Variants in SETBP1 observed in about 807,000 individuals in gnomAD.
SETBP1 encodes the protein SET-binding protein.
SETBP1 carries 9 observed loss-of-function variants against 101.0 expected under a neutral mutation model. The ratio of observed to expected loss-of-function variants is 0.09; its 90% CI spans 0.05 to 0.16. SETBP1 has a LOEUF of 0.16. Ranked by LOEUF, SETBP1 falls within the 10% of genes least tolerant of loss-of-function variation. The pLI is 1.00. For missense variants in SETBP1, 1,858 were observed against 2,033.8 expected, an observed-to-expected ratio of 0.91 and a Z score of 1.66; for synonymous variants, 818 against 788.5, an observed-to-expected ratio of 1.04 and a Z score of -0.63.
chr18:44,686,966 C>T (rs1189424236), intron 1 of SETBP1, among the ~76,000 whole-genome samples: 1 of 152,200 alleles, frequency 6.6e-6, no homozygotes, highest in Non-Finnish European at 1.5e-5. Flanking sequence ...TAGCCCTTGA[C>T]TTTCTCTGAA....
intron 4 of SETBP1, 26 bp downstream of exon 4, chr18:44,953,366 G>T (rs749825154): frequency 1.3e-6 from 2 of 1,590,108 alleles, no homozygotes; most frequent in Admixed American, 3.4e-5. Flanking sequence ...TTCAGAAATG[G>T]ATTATCAAGT....
intron 3 of SETBP1, among the ~76,000 whole-genome samples, chr18:44,940,235 CCTTTTA>C (rs1568228129): frequency 6.6e-6 from 1 of 152,106 alleles, no homozygotes; most frequent in Non-Finnish European, 1.5e-5. Context: ...CTTGTTCCCT[CCTTTTA>C]CTTTTAAGCT....
At chr18:44,686,595 C>G (rs1385406387) in intron 1 of SETBP1, among the ~76,000 whole-genome samples, 1 of 152,170 alleles carries the variant, frequency 6.6e-6, no homozygotes. Context: ...TCCCACACAG[C>G]CCTGAACCTT....
chr18:44,953,193 A>G lies in SETBP1; in HGVS notation c.3853A>G (p.Asn1285Asp), dbSNP rs1431517961. 3 of 1,614,004 alleles carry G rather than the reference A, an allele frequency of 1.9e-6. No homozygotes were observed. Among genetic ancestry groups the G allele is most frequent in the Non-Finnish European group, 2.5e-6 (3 of 1,180,042 alleles). ...GAACCTGGACGTGTTCAGTGAAATG[A>G]ACCCTTCGAATGACAAGTGGGACAG... ...SENLDVFSEM[N>D]PSNDKWDSDV... is the part of the protein sequence containing the mutation. The change falls in exon 4 of 6, where the codon AAC (asparagine) becomes GAC (aspartate). Residue 1285 changes from asparagine to aspartate, a missense_variant. This residue lies in a region of SETBP1 where 417 missense variants were observed against 389.1 expected (regional missense o/e 1.07). Coordinates refer to ENST00000649279, the MANE Select transcript of SETBP1 (RefSeq NM_015559.3).
intron 2 of SETBP1, among the ~76,000 whole-genome samples, chr18:44,741,434 C>T (rs975471942): frequency 4.6e-5 from 7 of 152,184 alleles, no homozygotes; most frequent in Non-Finnish European, 8.8e-5. Flanking sequence ...CCTAAGAGAT[C>T]ACCTTTCATT....
chr18:44,895,938 GTA>G (rs1004882937), intron 3 of SETBP1, among the ~76,000 whole-genome samples: 14 of 152,098 alleles, frequency 9.2e-5, no homozygotes, highest in African/African-American at 3.4e-4. Context: ...AAATGGCAAA[GTA>G]AAAATCATTT....
At chr18:44,854,607 C>T (rs1248548315) in intron 2 of SETBP1, among the ~76,000 whole-genome samples, 5 of 152,188 alleles carry the variant, frequency 3.3e-5, no homozygotes, top group Admixed American at 3.3e-4. Flanking sequence ...CCAACGTCAA[C>T]AAAAATCATT....
In SETBP1 at chr18:44,957,253, T is replaced by C. The variant is rs533506433; in HGVS notation, c.4000+3913T>C. Among the ~76,000 whole-genome samples, 47 of 152,138 alleles carry C rather than the reference T, an allele frequency of 3.1e-4. 1 individual carries two copies. The South Asian group carries it at 9.8e-3, about 32-fold the overall frequency. ...CCCTCAAAGCCAAGTTTTCACAAGG[T>C]GGTGGAAGAGTGATGAGTGACATTT... On this transcript the variant is annotated intron_variant, in intron 4 of 5. Transcript: ENST00000649279.
intron 2 of SETBP1, among the ~76,000 whole-genome samples, chr18:44,779,432 G>T (rs187490346): frequency 6.6e-6 from 1 of 152,316 alleles, no homozygotes; most frequent in Non-Finnish European, 1.5e-5. Context: ...ATGTCATGCA[G>T]TACAGATGTC....
At chr18:44,687,253 T>C (rs1278947930) in intron 1 of SETBP1, among the ~76,000 whole-genome samples, 1 of 152,016 alleles carries the variant, frequency 6.6e-6, no homozygotes, top group Non-Finnish European at 1.5e-5. Context: ...AAGTTTGGAG[T>C]GGTATAGAGT....
At chr18:44,769,718 A>C (rs953353837) in intron 2 of SETBP1, among the ~76,000 whole-genome samples, 1 of 152,234 alleles carries the variant, frequency 6.6e-6, no homozygotes, top group South Asian at 2.1e-4. Context: ...AGTCACATGC[A>C]CAACCACTAT....
intron 2 of SETBP1, among the ~76,000 whole-genome samples, chr18:44,819,915 C>T (rs1184029099): frequency 1.3e-5 from 2 of 152,134 alleles, no homozygotes; most frequent in African/African-American, 4.8e-5. Context: ...AAAGTAAGGA[C>T]TCAACAACCA....
intron 4 of SETBP1, among the ~76,000 whole-genome samples, chr18:44,995,956 G>A (rs562280118): frequency 2.3e-4 from 35 of 152,250 alleles, no homozygotes; most frequent in African/African-American, 7.9e-4. Context: ...CCACATATAG[G>A]CCATAACACT....
rs184858248 is a variant in SETBP1, at chr18:44,694,588, C to G, written c.-172-6587C>G. ...GATACACACAGTGGGCTCTTATGAACCCATAGGCACTAGCTTCATTGCATC... is the reference window on the plus strand; with the variant it reads ...GATACACACAGTGGGCTCTTATGAAGCCATAGGCACTAGCTTCATTGCATC... On this transcript the variant is annotated intron_variant, in intron 1 of 5. Transcript: ENST00000649279. Among the ~76,000 whole-genome samples, 399 of 152,292 alleles carry G rather than the reference C, an allele frequency of 2.6e-3. 1 individual carries two copies. The highest frequency in any genetic ancestry group is 1.9e-3 in the South Asian group (9 of 4,830).
At chr18:44,805,377 G>T (rs2071706473) in intron 2 of SETBP1, among the ~76,000 whole-genome samples, 2 of 151,544 alleles carry the variant, frequency 1.3e-5, no homozygotes, top group Non-Finnish European at 2.9e-5. Flanking sequence ...CATGGGGATG[G>T]CTGTGGGTCC....
intron 2 of SETBP1, among the ~76,000 whole-genome samples, chr18:44,777,320 T>C: frequency 6.6e-6 from 1 of 152,160 alleles, no homozygotes; most frequent in East Asian, 1.9e-4. Flanking sequence ...GGCCACTATC[T>C]CACCATTCTA....
At chr18:45,009,486 T>G (rs1029233800) in intron 4 of SETBP1, among the ~76,000 whole-genome samples, 1 of 151,886 alleles carries the variant, frequency 6.6e-6, no homozygotes, top group African/African-American at 2.4e-5. Flanking sequence ...ACATGCTTGT[T>G]GTTTTTTGTT....
At chr18:44,868,717 A>C (rs1428447178) in intron 2 of SETBP1, among the ~76,000 whole-genome samples, 1,130 of 6,944 alleles carry the variant, frequency 0.16, 73 homozygotes, top group Non-Finnish European at 0.26. Context: ...GAAGGGAGGA[A>C]GGAAGGAAGG....
intron 3 of SETBP1, among the ~76,000 whole-genome samples, chr18:44,926,504 G>T (rs997654273): frequency 5.9e-5 from 9 of 152,136 alleles, no homozygotes; most frequent in Admixed American, 3.3e-4. Flanking sequence ...TCCCTCAGGG[G>T]CCCTCCCAGC....
Sources: gnomAD v4.1 joint callset for allele counts (sites outside exome capture counted in the v4.1 genomes callset) on GRCh38, gnomAD v4.1.1 for gene constraint, gnomAD v4.1.1 regional missense constraint, MANE v1.5 for transcripts, NCBI Gene and HGNC (gene_info 2026-07-23, HGNC 2026-07-21) for gene names.